Variants in ARMC2 observed in about 807,000 individuals in gnomAD.
ARMC2 encodes the protein armadillo repeat containing 2.
A neutral mutation model predicts 90.3 loss-of-function variants in ARMC2; 67 were observed. That is an observed-to-expected ratio of 0.74 (90% CI 0.61 to 0.91). The LOEUF is 0.91. Among genes scored for constraint, ARMC2 ranks in the 40% least tolerant of loss-of-function variants. The pLI, the probability that ARMC2 is intolerant of heterozygous loss-of-function variation, is 0.00. For synonymous variants in ARMC2, 393 were observed against 393.0 expected, an observed-to-expected ratio of 1.00 and a Z score of 0.00; for missense variants, 920 against 1,030.9, an observed-to-expected ratio of 0.89 and a Z score of 1.47.
intron 10 of ARMC2, among the ~76,000 whole-genome samples, chr6:108,921,746 T>A (rs1029298893): frequency 1.3e-5 from 2 of 152,264 alleles, no homozygotes; most frequent in Admixed American, 6.5e-5. Context: ...GCTTTAGTCA[T>A]AAATCATTTC....
intron 3 of ARMC2, among the ~76,000 whole-genome samples, chr6:108,860,434 G>A (rs910705299): frequency 1.7e-4 from 26 of 151,948 alleles, no homozygotes; most frequent in African/African-American, 5.8e-4. Context: ...AGGTTGAGGC[G>A]GGTGGGTCAC....
chr6:109,014,340 G>T, the ARMC2 span, among the ~76,000 whole-genome samples: 1 of 152,236 alleles, frequency 6.6e-6, no homozygotes, highest in Admixed American at 6.5e-5. Context: ...CATGTATAAA[G>T]CAGATGTAAT....
downstream of ARMC2, among the ~76,000 whole-genome samples, chr6:108,979,400 C>G (rs1338852810): frequency 6.6e-6 from 1 of 152,162 alleles, no homozygotes; most frequent in Non-Finnish European, 1.5e-5. Flanking sequence ...GGTAATCCGA[C>G]CTTTCTCTCT....
chr6:108,884,213 T>G (rs1449887922), intron 5 of ARMC2, among the ~76,000 whole-genome samples: 1 of 152,204 alleles, frequency 6.6e-6, no homozygotes, highest in Non-Finnish European at 1.5e-5. Flanking sequence ...GAGTGGACCC[T>G]GTCCATGAAG....
chr6:108,870,644 AAAGAG>A (rs748210301), intron 4 of ARMC2, among the ~76,000 whole-genome samples: 2 of 151,936 alleles, frequency 1.3e-5, no homozygotes, highest in African/African-American at 2.4e-5. Flanking sequence ...GGAAGGAAGA[AAAGAG>A]AAGAGAAAAG....
intron 3 of ARMC2, among the ~76,000 whole-genome samples, chr6:108,866,088 T>C (rs1775792991): frequency 6.6e-6 from 1 of 152,114 alleles, no homozygotes; most frequent in Non-Finnish European, 1.5e-5. Flanking sequence ...GCTGTTTACT[T>C]TGTCTGCATG....
At chr6:108,948,307 T>A (rs956724998) in intron 12 of ARMC2, among the ~76,000 whole-genome samples, 22 of 152,122 alleles carry the variant, frequency 1.4e-4, no homozygotes, top group East Asian at 1.9e-4. Flanking sequence ...GGATTCCAGA[T>A]GAGTCAAGAC....
intron 12 of ARMC2, among the ~76,000 whole-genome samples, chr6:108,939,807 C>T (rs887939503): frequency 3.9e-5 from 6 of 152,232 alleles, no homozygotes; most frequent in African/African-American, 1.4e-4. Context: ...TTATCACTTT[C>T]ATCACTAAAC....
chr6:108,919,351 G>A (rs969552872), intron 10 of ARMC2, among the ~76,000 whole-genome samples: 11 of 152,098 alleles, frequency 7.2e-5, no homozygotes, highest in African/African-American at 1.9e-4. Context: ...TTTATCTTGC[G>A]CGACCCCACC....
intron 2 of ARMC2, 31 bp from the exon 3 acceptor site, chr6:108,858,168 A>G (rs1191537984): frequency 1.3e-6 from 2 of 1,562,794 alleles, no homozygotes; most frequent in East Asian, 4.5e-5. Flanking sequence ...ATTCTTCACA[A>G]ACTAACACTC....
chr6:108,958,242 T>A (rs922395281), intron 13 of ARMC2, among the ~76,000 whole-genome samples: 5 of 152,128 alleles, frequency 3.3e-5, no homozygotes, highest in Non-Finnish European at 5.9e-5. Context: ...CCTCCGTAAC[T>A]GTGAGAAAAT....
the ARMC2 span, among the ~76,000 whole-genome samples, chr6:109,013,818 A>G: frequency 6.6e-6 from 1 of 152,188 alleles, no homozygotes; most frequent in East Asian, 1.9e-4. Context: ...TTTAGAACAA[A>G]TGCTGGTTTA....
At chr6:108,916,766 A>G (rs1288441673) in intron 10 of ARMC2, among the ~76,000 whole-genome samples, 4 of 152,310 alleles carry the variant, frequency 2.6e-5, no homozygotes, top group African/African-American at 4.8e-5. Flanking sequence ...TTAAAGAGCT[A>G]CAGTCGGGCA....
chr6:108,961,625 A>C lies in ARMC2; in HGVS notation c.1969A>C (p.Ile657Leu), dbSNP rs1414896742. Residue 657 changes from isoleucine to leucine, a missense_variant, in exon 14 of 18, where the codon ATC (isoleucine) becomes CTC (leucine). Ile to Leu is a conservative substitution (Grantham distance 5, BLOSUM62 2). Transcript: ENST00000392644. ...EELVINATAT[I>L]NNLSYYQVKN... ...GCTGGTGATCAATGCTACAGCGACA[A>C]TCAACAATTTATCTTACTACCAAGT... 1 of 1,612,456 alleles carries C rather than the reference A, an allele frequency of 6.2e-7. No individual in the cohort carries two copies. The highest frequency in any genetic ancestry group is 2.2e-5 in the East Asian group (1 of 44,894).
the ARMC2 span, among the ~76,000 whole-genome samples, chr6:109,046,857 G>A: frequency 3.8e-5 from 5 of 130,224 alleles, no homozygotes; most frequent in Admixed American, 7.5e-5. Flanking sequence ...CAACCACCCC[G>A]TATGAGAAGT....
chr6:108,927,709 T>TAAAAAA (rs34790939), intron 10 of ARMC2, among the ~76,000 whole-genome samples: 1 of 145,144 alleles, frequency 6.9e-6, no homozygotes, highest in Non-Finnish European at 1.5e-5. Context: ...CCTATAAAAT[T>TAAAAAA]AAAAAAAAAA....
intron 10 of ARMC2, among the ~76,000 whole-genome samples, chr6:108,918,418 C>A (rs1262273612): frequency 6.6e-6 from 1 of 152,052 alleles, no homozygotes; most frequent in Non-Finnish European, 1.5e-5. Context: ...CTCTTGCTCT[C>A]TTTCAATCTT....
Position 108,899,770 on chromosome 6 carries a change from G to A in ARMC2, c.825G>A (p.Pro275=), listed in dbSNP as rs763415094. Residue 275 remains proline (P), a synonymous_variant, in exon 7 of 18, where the codon CCG becomes CCA. Coordinates refer to ENST00000392644, the MANE Select transcript of ARMC2 (RefSeq NM_032131.6). ...DEVFWNTRIV[P]ILRELEKEEN... ...TCTTTTGGAATACAAGGATTGTACC[G>A]ATTTTGCGTGAATTAGAAAAGGGTA... The A allele has an allele frequency of 9.3e-6, 15 of 1,612,718 alleles. No individual in the cohort carries two copies. The Middle Eastern group carries it at 5.0e-4, about 53-fold the overall frequency.
intron 17 of ARMC2, among the ~76,000 whole-genome samples, chr6:108,967,609 A>G (rs113563827): frequency 7.2e-4 from 109 of 152,334 alleles, no homozygotes; most frequent in African/African-American, 2.6e-3. Context: ...CATTTCACCT[A>G]CACACATCTT....
Sources: gnomAD v4.1 joint callset for allele counts (sites outside exome capture counted in the v4.1 genomes callset) on GRCh38, gnomAD v4.1.1 for gene constraint, MANE v1.5 for transcripts, NCBI Gene and HGNC (gene_info 2026-07-23, HGNC 2026-07-21) for gene names.